The following PELI2 variants were observed in gnomAD, a reference collection of about 807,000 sequenced individuals.
The protein encoded by PELI2 is E3 ubiquitin-protein ligase pellino homolog 2.
In PELI2, 23 loss-of-function variants were observed where a neutral mutation model predicts 42.3. That is an observed-to-expected ratio of 0.54 (90% CI 0.39 to 0.77). The LOEUF (loss-of-function observed/expected upper bound fraction) is 0.77. PELI2 is among the 30% of genes least tolerant of loss of function. The probability of loss-of-function intolerance (pLI) is 0.00; values close to 1 mark genes in which losing one functional copy is unlikely to be tolerated. For missense variants in PELI2, 463 were observed against 553.2 expected (o/e 0.84, Z 1.64); for synonymous variants, 245 against 212.2 (o/e 1.15, Z -1.34).
chr14:56,194,204 G>T (rs543715623), intron 2 of PELI2, among the ~76,000 whole-genome samples: 10 of 152,174 alleles, frequency 6.6e-5, no homozygotes, highest in Non-Finnish European at 1.0e-4. Flanking sequence ...CTTCCCACTC[G>T]GGCAGCAAGT....
At chr14:56,134,723 C>T (rs1383026887) in intron 1 of PELI2, among the ~76,000 whole-genome samples, 1 of 150,396 alleles carries the variant, frequency 6.6e-6, no homozygotes, top group Non-Finnish European at 1.5e-5. Flanking sequence ...TTATTTTTTT[C>T]TCTCTTTTTT....
rs141995284 is a variant in PELI2, at chr14:56,288,198, T to C, written c.310-239T>C. ...CAAATATTTCAGAGGATACATCTCATATTATATTCTTAGCACAATACAATA... is the reference window on the plus strand; with the variant it reads ...CAAATATTTCAGAGGATACATCTCACATTATATTCTTAGCACAATACAATA... On this transcript the variant is annotated intron_variant, in intron 3 of 5. Transcript: ENST00000267460. The surrounding 1 kb of genome is among the most constrained non-coding windows in gnomAD (Gnocchi z 4.6). 6.7e-6 allele frequency among the ~76,000 whole-genome samples: 1 copy of C among 149,914 alleles called. No homozygotes were observed. Among genetic ancestry groups the C allele is most frequent in the Non-Finnish European group, 1.5e-5 (1 of 66,318 alleles).
At chr14:56,163,029 C>T (rs1016491382) in intron 1 of PELI2, among the ~76,000 whole-genome samples, 64 of 152,108 alleles carry the variant, frequency 4.2e-4, no homozygotes, top group Admixed American at 1.2e-3. Context: ...TATTTTCTCC[C>T]ATTCTGTGCG....
chr14:56,201,725 T>C (rs1307339537), intron 2 of PELI2, among the ~76,000 whole-genome samples: 7 of 152,348 alleles, frequency 4.6e-5, no homozygotes, highest in Non-Finnish European at 7.3e-5. Context: ...TACCAAGATA[T>C]AGTTAGTAGT....
intron 1 of PELI2, among the ~76,000 whole-genome samples, chr14:56,122,966 G>A (rs1883117074): frequency 6.6e-6 from 1 of 152,128 alleles, no homozygotes; most frequent in Admixed American, 6.5e-5. Flanking sequence ...TCATCAAACT[G>A]CCAAAGGGAT....
intron 1 of PELI2, among the ~76,000 whole-genome samples, chr14:56,147,038 G>A (rs1306673401): frequency 6.6e-6 from 1 of 152,088 alleles, no homozygotes; most frequent in Admixed American, 6.6e-5. Context: ...ATTTCATAAC[G>A]TAGGATCACA....
At position 56,296,788 on chromosome 14, in the gene PELI2, C is replaced by T. The variant is rs574792842; in HGVS notation, c.885C>T (p.Ser295=). 1.7e-5 allele frequency: 27 copies of T among 1,614,118 alleles called. No individual in the cohort carries two copies. In the South Asian group the frequency reaches 3.0e-4, roughly 18 times the overall value. ...GGCTCAACACCCTGGCCTTCCCCAG[C>T]ATCAACAGGAAAGAGGTGGTGGAGG... ...PVGLNTLAFP[S]INRKEVVEEK... Residue 295 remains serine (S), a synonymous_variant, in exon 6 of 6, where the codon AGC becomes AGT. Coordinates refer to ENST00000267460, the MANE Select transcript of PELI2 (RefSeq NM_021255.3).
intron 2 of PELI2, among the ~76,000 whole-genome samples, chr14:56,192,384 G>C (rs576578235): frequency 1.3e-5 from 2 of 152,288 alleles, no homozygotes; most frequent in East Asian, 1.9e-4. Context: ...AAGGTTGAGA[G>C]TTTCTCAACC....
intron 5 of PELI2, among the ~76,000 whole-genome samples, chr14:56,295,215 C>T (rs1254946542): frequency 1.3e-5 from 2 of 152,160 alleles, no homozygotes; most frequent in Admixed American, 1.3e-4. Context: ...TTTACCCCTC[C>T]AACCCACCCT....
intron 2 of PELI2, among the ~76,000 whole-genome samples, chr14:56,245,143 C>T (rs987896785): frequency 4.6e-5 from 7 of 152,166 alleles, no homozygotes; most frequent in Non-Finnish European, 7.3e-5. Flanking sequence ...AAATTCCAAG[C>T]GAGGCGTTTA....
intron 2 of PELI2, among the ~76,000 whole-genome samples, chr14:56,224,652 C>T (rs1887275191): frequency 6.6e-6 from 1 of 152,134 alleles, no homozygotes; most frequent in Admixed American, 6.5e-5. Context: ...ATTATTAGCT[C>T]ACAAAAGCAA....
At chr14:56,267,458 A>G (rs1010461230) in intron 2 of PELI2, among the ~76,000 whole-genome samples, 3 of 152,168 alleles carry the variant, frequency 2.0e-5, no homozygotes, top group Non-Finnish European at 4.4e-5. Flanking sequence ...CCAGGCTTTG[A>G]AGAAAAACAT....
At chr14:56,236,721 C>T (rs1411750566) in intron 2 of PELI2, among the ~76,000 whole-genome samples, 1 of 152,140 alleles carries the variant, frequency 6.6e-6, no homozygotes, top group African/African-American at 2.4e-5. Context: ...TGACTGGAGC[C>T]ACCACCCTCC....
At chr14:56,211,155 A>G (rs554192570) in intron 2 of PELI2, among the ~76,000 whole-genome samples, 2 of 152,344 alleles carry the variant, frequency 1.3e-5, no homozygotes, top group East Asian at 3.9e-4. Flanking sequence ...ATCTGTGGTC[A>G]TTTGCTCCAT....
At chr14:56,271,282 A>G (rs1427839912) in intron 2 of PELI2, among the ~76,000 whole-genome samples, 1 of 152,198 alleles carries the variant, frequency 6.6e-6, no homozygotes, top group Non-Finnish European at 1.5e-5. Context: ...AAACATAAAT[A>G]TCAGAAGTTG....
intron 2 of PELI2, among the ~76,000 whole-genome samples, chr14:56,235,749 C>T (rs1483285679): frequency 6.6e-6 from 1 of 152,176 alleles, no homozygotes; most frequent in Non-Finnish European, 1.5e-5. Flanking sequence ...TATATTATTT[C>T]CAATACATAA....
chr14:56,158,338 T>TTTTAA (rs1202189978), intron 1 of PELI2, among the ~76,000 whole-genome samples: 1 of 151,478 alleles, frequency 6.6e-6, no homozygotes, highest in Admixed American at 6.6e-5. Flanking sequence ...AAGATTCTTA[T>TTTTAA]TTTAATTTAA....
At chr14:56,271,011 G>A (rs562721568) in intron 2 of PELI2, among the ~76,000 whole-genome samples, 3 of 152,284 alleles carry the variant, frequency 2.0e-5, no homozygotes, top group South Asian at 4.1e-4. Flanking sequence ...TCTTCTGCCC[G>A]ATGTTTAAGC....
chr14:56,251,666 C>T (rs1888349357), intron 2 of PELI2, among the ~76,000 whole-genome samples: 1 of 152,182 alleles, frequency 6.6e-6, no homozygotes, highest in Non-Finnish European at 1.5e-5. Flanking sequence ...GCAGCCTCTG[C>T]AATTGGTAAG....
Sources: allele counts gnomAD v4.1 joint callset (sites outside exome capture counted in the v4.1 genomes callset), GRCh38; gene constraint gnomAD v4.1.1; non-coding constraint Gnocchi (gnomAD v3.1); transcripts MANE v1.5; gene names NCBI Gene and HGNC (gene_info 2026-07-23, HGNC 2026-07-21).